DISC1: variants seen among roughly 807,000 people sequenced by gnomAD.
DISC1 encodes disrupted in schizophrenia 1 protein.
Under a neutral mutation model 84.5 loss-of-function variants are expected in DISC1, and 57 were observed. The observed-to-expected ratio is 0.67, with a 90% CI of 0.55 to 0.84. The LOEUF (loss-of-function observed/expected upper bound fraction) is 0.84, where lower values mean the gene tolerates loss of function less well. Among genes scored for constraint, DISC1 ranks in the 40% least tolerant of loss-of-function variants. DISC1 has a pLI of 0.00. For missense variants in DISC1, 1,000 were observed against 1,057.8 expected (o/e 0.95, Z 0.76); for synonymous variants, 411 against 415.2 (o/e 0.99, Z 0.12).
At position 231,641,899 on chromosome 1, in the gene DISC1, C is replaced by T. The variant is rs2883923; in HGVS notation, c.67+14965C>T. On this transcript the variant is annotated intron_variant, in intron 1 of 12. Coordinates refer to ENST00000439617, the MANE Select transcript of DISC1 (RefSeq NM_018662.3). The stretch of plus-strand genomic sequence containing the variant: ...CCAGCTGGCTTCACCCAGTGGATCC[C>T]GCACCGGGGCTACAGGTGGAGCTGC... Among the ~76,000 whole-genome samples, 2,607 of 152,320 alleles carry T rather than the reference C, an allele frequency of 0.017. 151 individuals are homozygous for T. The East Asian group carries it at 0.21, about 12-fold the overall frequency.
chr1:231,671,626 A>G (rs1247330290), intron 1 of DISC1, among the ~76,000 whole-genome samples: 1 of 152,168 alleles, frequency 6.6e-6, no homozygotes, highest in African/African-American at 2.4e-5. Flanking sequence ...AGAAGGTTGT[A>G]TTGGTTTTAG....
chr1:231,703,472 A>G (rs1207771814), intron 3 of DISC1, among the ~76,000 whole-genome samples: 1 of 152,164 alleles, frequency 6.6e-6, no homozygotes, highest in African/African-American at 2.4e-5. Flanking sequence ...GCTGCCCACT[A>G]TTGCACAGAT....
intron 1 of DISC1, among the ~76,000 whole-genome samples, chr1:231,631,454 G>T (rs547900921): frequency 6.6e-6 from 1 of 152,288 alleles, no homozygotes; most frequent in Non-Finnish European, 1.5e-5. Flanking sequence ...AGAAGGCATT[G>T]TTGTCATAGG....
At chr1:231,912,742 CTTCTTT>C (rs2089311472) in intron 9 of DISC1, among the ~76,000 whole-genome samples, 1 of 132,474 alleles carries the variant, frequency 7.5e-6, no homozygotes, top group Non-Finnish European at 1.6e-5. Context: ...GCAGCTTGCT[CTTCTTT>C]CTTTCTTTCT....
At chr1:231,905,526 G>A (rs920684687) in intron 9 of DISC1, among the ~76,000 whole-genome samples, 3 of 152,078 alleles carry the variant, frequency 2.0e-5, no homozygotes, top group Non-Finnish European at 4.4e-5. Context: ...GGAGGCTGAG[G>A]TGGGAGGATT....
chr1:231,853,845 C>T (rs943912239), intron 9 of DISC1, among the ~76,000 whole-genome samples: 1 of 152,242 alleles, frequency 6.6e-6, no homozygotes, highest in Non-Finnish European at 1.5e-5. Flanking sequence ...TCTCCAGTGC[C>T]TGTATCCCTG....
intron 3 of DISC1, among the ~76,000 whole-genome samples, chr1:231,703,727 A>G (rs1346081620): frequency 6.6e-6 from 1 of 152,204 alleles, no homozygotes; most frequent in East Asian, 1.9e-4. Context: ...TTGAGAGGAT[A>G]CACCTCATCA....
At chr1:231,986,589 G>A (rs1664478435) in intron 10 of DISC1, among the ~76,000 whole-genome samples, 1 of 152,162 alleles carries the variant, frequency 6.6e-6, no homozygotes, top group Admixed American at 6.5e-5. Context: ...ATATCAGTAG[G>A]AAACAAACAG....
At chr1:231,750,750 C>T (rs773065527) in intron 4 of DISC1, 1 of 210,288 alleles carries the variant, frequency 4.8e-6, no homozygotes, top group Non-Finnish European at 8.2e-6. Context: ...GCTCCATCTA[C>T]CTTTGTGTTC....
intron 12 of DISC1, among the ~76,000 whole-genome samples, chr1:232,027,898 G>C (rs1207849451): frequency 6.6e-6 from 1 of 151,830 alleles, no homozygotes; most frequent in Non-Finnish European, 1.5e-5. Context: ...TTTAATGATA[G>C]AGCCAATGCT....
chr1:231,956,572 C>T (rs1440451523), intron 9 of DISC1, among the ~76,000 whole-genome samples: 3 of 152,092 alleles, frequency 2.0e-5, no homozygotes, highest in African/African-American at 7.2e-5. Flanking sequence ...TTTTCCATTC[C>T]ACTCAGAACA....
chr1:231,996,054 C>T (rs901905917), intron 10 of DISC1, among the ~76,000 whole-genome samples: 2 of 152,208 alleles, frequency 1.3e-5, no homozygotes, highest in Middle Eastern at 3.2e-3. Context: ...GAGATGGTAT[C>T]TCATCGTGGT....
At chr1:231,843,392 T>C (rs917073600) in intron 9 of DISC1, among the ~76,000 whole-genome samples, 4 of 152,032 alleles carry the variant, frequency 2.6e-5, no homozygotes, top group Admixed American at 2.6e-4. Context: ...GAAATGGTCC[T>C]AAGAGCAATA....
chr1:231,734,873 A>T (rs2072268250), intron 3 of DISC1, among the ~76,000 whole-genome samples: 1 of 152,216 alleles, frequency 6.6e-6, no homozygotes, highest in East Asian at 1.9e-4. Context: ...CAAGCTTAAA[A>T]TACAACATTT....
intron 1 of DISC1, among the ~76,000 whole-genome samples, chr1:231,642,267 C>T (rs115464161): frequency 0.037 from 5,594 of 152,316 alleles, 128 homozygotes; most frequent in Middle Eastern, 0.075. Context: ...GCGCAGCCCC[C>T]GGTTCCCGCC....
chr1:232,011,660 G>C (rs1029374415), intron 11 of DISC1, among the ~76,000 whole-genome samples: 1 of 152,186 alleles, frequency 6.6e-6, no homozygotes, highest in Non-Finnish European at 1.5e-5. Flanking sequence ...GGGGGCGGTT[G>C]ATAGAAGTAT....
chr1:231,887,376 A>G (rs2086849044), intron 9 of DISC1, among the ~76,000 whole-genome samples: 1 of 152,152 alleles, frequency 6.6e-6, no homozygotes, highest in African/African-American at 2.4e-5. Context: ...CCCTGGCACC[A>G]AGGAGTTATG....
intron 9 of DISC1, among the ~76,000 whole-genome samples, chr1:231,824,923 C>T (rs1230809282): frequency 6.6e-6 from 1 of 151,318 alleles, no homozygotes; most frequent in African/African-American, 2.5e-5. Flanking sequence ...CCCATCCATC[C>T]ATCCTTTCCA....
chr1:231,842,960 A>T (rs762262821), intron 9 of DISC1, among the ~76,000 whole-genome samples: 4 of 152,176 alleles, frequency 2.6e-5, no homozygotes, highest in Non-Finnish European at 4.4e-5. Context: ...TAATTTTTAT[A>T]GTGAGCCACT....
Sources: gnomAD v4.1 joint callset for allele counts (sites outside exome capture counted in the v4.1 genomes callset) on GRCh38, gnomAD v4.1.1 for gene constraint, MANE v1.5 for transcripts, NCBI Gene and HGNC (gene_info 2026-07-23, HGNC 2026-07-21) for gene names.